The following HMCN1 variants were observed in gnomAD, a reference collection of about 807,000 sequenced individuals.
The protein encoded by HMCN1 is hemicentin 1.
HMCN1 carries 321 observed loss-of-function variants against 625.9 expected under a neutral mutation model. The ratio of observed to expected loss-of-function variants is 0.51; its 90% CI spans 0.47 to 0.56. The LOEUF (loss-of-function observed/expected upper bound fraction) is 0.56. HMCN1 is among the 20% of genes least tolerant of loss of function. The pLI, the probability that HMCN1 is intolerant of heterozygous loss-of-function variation, is 0.00. For missense variants in HMCN1, 6,588 were observed against 6,887.3 expected (o/e 0.96, Z 1.54); for synonymous variants, 2,425 against 2,417.6 (o/e 1.00, Z -0.09).
intron 36 of HMCN1, among the ~76,000 whole-genome samples, chr1:186,035,858 C>T (rs571444307): frequency 6.6e-6 from 1 of 152,122 alleles, no homozygotes; most frequent in Non-Finnish European, 1.5e-5. Context: ...CACACACATA[C>T]ACATATGCAT....
At chr1:186,005,116 T>C (rs557044067) in intron 29 of HMCN1, among the ~76,000 whole-genome samples, 1,946 of 149,620 alleles carry the variant, frequency 0.013, 11 homozygotes, top group Middle Eastern at 0.03. Flanking sequence ...TGTTTATAAA[T>C]GTTTATAAAC....
chr1:186,027,575 A>G (rs1450416651), intron 36 of HMCN1, among the ~76,000 whole-genome samples: 1 of 152,240 alleles, frequency 6.6e-6, no homozygotes, highest in Non-Finnish European at 1.5e-5. Context: ...TAGAGAGAGT[A>G]TACCACAGTT....
In HMCN1 at chr1:186,153,880, G is replaced by A. The variant is rs764321274; in HGVS notation, c.15149G>A (p.Gly5050Glu). Residue 5050 changes from glycine (G) to glutamate (E), a missense_variant, in exon 97 of 107, where the codon GGA (glycine) becomes GAA (glutamate). Coordinates refer to ENST00000271588, the MANE Select transcript of HMCN1 (RefSeq NM_031935.3). ...ACCGTTTTCTATGATCAGGCACAGG[G>A]AAGAATGCCTTTCTTGGTTGAAACA... Reference protein sequence around the residue: ...NHTVFYDQAQGRMPFLVETLH... With the variant: ...NHTVFYDQAQERMPFLVETLH... 4 of 1,614,142 alleles carry A rather than the reference G, an allele frequency of 2.5e-6. No homozygotes were observed. The Admixed American group carries it at 6.7e-5, about 27-fold the overall frequency.
intron 30 of HMCN1, among the ~76,000 whole-genome samples, chr1:186,012,921 T>C (rs4650689): frequency 6.6e-6 from 1 of 152,020 alleles, no homozygotes; most frequent in African/African-American, 2.4e-5. Flanking sequence ...ATTTGATAAC[T>C]AAATACTCCA....
chr1:185,943,732 G>A (rs938940846), intron 11 of HMCN1, among the ~76,000 whole-genome samples: 1 of 152,120 alleles, frequency 6.6e-6, no homozygotes, highest in Non-Finnish European at 1.5e-5. Context: ...TTGGCTGTTT[G>A]GTTATTAACT....
chr1:186,183,881 G>GTCT (rs1462841392), intron 105 of HMCN1, among the ~76,000 whole-genome samples: 2 of 152,050 alleles, frequency 1.3e-5, no homozygotes, highest in African/African-American at 4.8e-5. Context: ...CAACCCAAGA[G>GTCT]TCTTCCTGAA....
chr1:185,842,219 G>C (rs1648535682), intron 1 of HMCN1, among the ~76,000 whole-genome samples: 1 of 152,148 alleles, frequency 6.6e-6, no homozygotes, highest in Admixed American at 6.6e-5. Context: ...TATATTACTA[G>C]TGGCAACTGC....
At position 186,137,806 on chromosome 1, in the gene HMCN1, TG is replaced by T; in HGVS notation, c.13760del (p.Gly4587ValfsTer46). ...TAATGGTTCACCTTTGTATAGTGGATGGTAGCTGGTCGGAATGGAGTCTTTG... is the reference window on the plus strand; with the variant it reads ...TAATGGTTCACCTTTGTATAGTGGATGTAGCTGGTCGGAATGGAGTCTTTG... ...NCQNKPCPVDGSWSEWSLWEE... is the reference protein window; with the variant it reads ...NCQNKPCPVDXSWSEWSLWEE... On this transcript the variant is annotated frameshift_variant, in exon 89 of 107. Transcript: ENST00000271588. LOFTEE classifies it high-confidence loss of function. The T allele has an allele frequency of 6.2e-7, 1 of 1,614,096 alleles. No homozygotes were observed. Among genetic ancestry groups the T allele is most frequent in the Non-Finnish European group, 8.5e-7 (1 of 1,179,986 alleles).
At chr1:186,006,532 A>G (rs775529202) in intron 29 of HMCN1, among the ~76,000 whole-genome samples, 1 of 152,046 alleles carries the variant, frequency 6.6e-6, no homozygotes, top group South Asian at 2.1e-4. Flanking sequence ...TTCCTTGACA[A>G]TCATATACGA....
intron 64 of HMCN1, among the ~76,000 whole-genome samples, chr1:186,091,990 G>A (rs1659865902): frequency 1.3e-5 from 2 of 151,752 alleles, no homozygotes; most frequent in Admixed American, 1.3e-4. Context: ...TGTTAAATCA[G>A]CTGGTATTTG....
chr1:185,765,952 C>T (rs980816728), intron 1 of HMCN1, among the ~76,000 whole-genome samples: 5 of 152,152 alleles, frequency 3.3e-5, no homozygotes, highest in Admixed American at 6.6e-5. Flanking sequence ...AGCTCCTCTT[C>T]TTCCTGTGGT....
At chr1:186,183,201 A>C (rs765948820) in intron 105 of HMCN1, among the ~76,000 whole-genome samples, 4 of 152,226 alleles carry the variant, frequency 2.6e-5, no homozygotes, top group Non-Finnish European at 5.9e-5. Flanking sequence ...AGAGTGCTTT[A>C]TCAGCAGCAA....
At chr1:185,916,475 A>AT (rs1430791487) in intron 6 of HMCN1, among the ~76,000 whole-genome samples, 1 of 152,282 alleles carries the variant, frequency 6.6e-6, no homozygotes, top group Admixed American at 6.5e-5. Context: ...TGACACATGA[A>AT]TTAGTTGTTA....
chr1:186,044,901 ATTC>A (rs1656461688), intron 40 of HMCN1, among the ~76,000 whole-genome samples: 1 of 152,170 alleles, frequency 6.6e-6, no homozygotes, highest in Non-Finnish European at 1.5e-5. Flanking sequence ...TGTTTACTCT[ATTC>A]TTTAATACAC....
chr1:185,879,741 A>G (rs1664177743), intron 4 of HMCN1, among the ~76,000 whole-genome samples: 2 of 152,120 alleles, frequency 1.3e-5, no homozygotes, highest in African/African-American at 2.4e-5. Flanking sequence ...GAGCAAACCC[A>G]GTTGATGGCA....
intron 4 of HMCN1, among the ~76,000 whole-genome samples, chr1:185,876,530 A>C (rs1663945795): frequency 6.6e-6 from 1 of 152,114 alleles, no homozygotes; most frequent in South Asian, 2.1e-4. Context: ...TCCCACAAAC[A>C]GTGTGTAAGC....
intron 11 of HMCN1, among the ~76,000 whole-genome samples, chr1:185,946,744 G>A (rs1390630880): frequency 6.6e-6 from 1 of 152,160 alleles, no homozygotes; most frequent in South Asian, 2.1e-4. Flanking sequence ...CGACTTTTTT[G>A]TTAAGGAAAG....
chr1:185,935,686 G>A (rs1667778505), intron 11 of HMCN1, among the ~76,000 whole-genome samples: 1 of 152,064 alleles, frequency 6.6e-6, no homozygotes, highest in Admixed American at 6.6e-5. Context: ...TGTCTAGTTG[G>A]CCTTGAGTTT....
At position 185,993,400 on chromosome 1, in the gene HMCN1, T is replaced by C. The variant is rs1358404890; in HGVS notation, c.3505+91T>C. ...GTTTATTTGATAGTTAATTTCCAAA[T>C]TGTATATAGAGTGATTAAAGAAAAA... On this transcript the variant is annotated intron_variant, in intron 23 of 106. Transcript: ENST00000271588. 6.8e-6 allele frequency: 10 copies of C among 1,463,380 alleles called. No individual in the cohort carries two copies. In the Admixed American group the frequency reaches 1.0e-4, roughly 15 times the overall value. The allele number at this position is 1,463,380 out of a possible 1,614,324, so 90.6% of individuals were successfully genotyped here.
Sources: gnomAD v4.1 joint callset for allele counts (sites outside exome capture counted in the v4.1 genomes callset) on GRCh38, gnomAD v4.1.1 for gene constraint, MANE v1.5 for transcripts, NCBI Gene and HGNC (gene_info 2026-07-23, HGNC 2026-07-21) for gene names.